Variants in CHKA observed in about 807,000 individuals in gnomAD.
The protein encoded by CHKA is CHETK-alpha.
A neutral mutation model predicts 60.1 loss-of-function variants in CHKA; 34 were observed. That is an observed-to-expected ratio of 0.57 (90% CI 0.43 to 0.75). The LOEUF (loss-of-function observed/expected upper bound fraction) is 0.75. Ranked by LOEUF, CHKA falls within the 30% of genes least tolerant of loss-of-function variation. CHKA has a pLI of 0.00. For synonymous variants in CHKA, 217 were observed against 223.1 expected (o/e 0.97, Z 0.24); for missense variants, 563 against 561.3 (o/e 1.00, Z -0.03).
chr11:68,105,420 C>G (rs1857875477), intron 1 of CHKA, among the ~76,000 whole-genome samples: 2 of 136,712 alleles, frequency 1.5e-5, no homozygotes, highest in South Asian at 4.7e-4. Flanking sequence ...GAGGCTGAGG[C>G]AAGAGAATCG....
chr11:68,095,462 G>C (rs1359175184), intron 2 of CHKA, among the ~76,000 whole-genome samples: 2 of 129,994 alleles, frequency 1.5e-5, no homozygotes, highest in African/African-American at 5.8e-5. Context: ...TATAATCCCA[G>C]CACTTTGGAG....
chr11:68,120,863 G>T lies in CHKA; in HGVS notation c.315C>A (p.Gly105=). The T allele has an allele frequency of 7.4e-7, 1 of 1,354,276 alleles. No homozygotes were observed. Among genetic ancestry groups the T allele is most frequent in the Non-Finnish European group, 9.6e-7 (1 of 1,038,708 alleles). The allele number at this position is 1,354,276 out of a possible 1,614,324, so 83.9% of individuals were successfully genotyped here. The change falls in exon 1 of 12, where the codon GGC becomes GGA. Residue 105 remains glycine (G), a synonymous_variant. Transcript: ENST00000265689. ...TGATGTGGAACTCGTCCTCGCGGAG[G>T]CCCCGCCAGGCGCCGGGCAGGAACT... ...CKEFLPGAWR[G]LREDEFHISV... is the part of the protein sequence containing the mutation.
intron 1 of CHKA, among the ~76,000 whole-genome samples, chr11:68,112,943 G>A (rs1007645611): frequency 4.6e-5 from 7 of 151,578 alleles, no homozygotes; most frequent in East Asian, 1.9e-4. Flanking sequence ...TTAGCCGGGC[G>A]TGGTGGCAGC....
At chr11:68,111,453 C>G (rs971577419) in intron 1 of CHKA, among the ~76,000 whole-genome samples, 15 of 151,754 alleles carry the variant, frequency 9.9e-5, no homozygotes, top group African/African-American at 3.4e-4. Flanking sequence ...GTGGTACACA[C>G]CTGTAATCCC....
chr11:68,059,694 A>C (rs1391302812), intron 11 of CHKA, among the ~76,000 whole-genome samples: 3 of 152,144 alleles, frequency 2.0e-5, no homozygotes, highest in African/African-American at 7.2e-5. Flanking sequence ...ATAATTGAGA[A>C]TTTTCTAGCT....
chr11:68,098,229 C>A (rs573776784), intron 1 of CHKA, among the ~76,000 whole-genome samples: 1 of 147,886 alleles, frequency 6.8e-6, no homozygotes, highest in East Asian at 2.0e-4. Flanking sequence ...CGTTATCGCG[C>A]CACTGTACTC....
intron 1 of CHKA, among the ~76,000 whole-genome samples, chr11:68,098,294 AAAAAG>A (rs1857581522): frequency 6.8e-6 from 1 of 147,760 alleles, no homozygotes. Context: ...AAAAAAAAAG[AAAAAG>A]AAAAGATAAA....
intron 4 of CHKA, among the ~76,000 whole-genome samples, chr11:68,073,516 C>A (rs1237675207): frequency 6.6e-6 from 1 of 152,068 alleles, no homozygotes; most frequent in Non-Finnish European, 1.5e-5. Flanking sequence ...TGCCAGGGAG[C>A]AAACTAAAGG....
intron 1 of CHKA, among the ~76,000 whole-genome samples, chr11:68,101,053 T>C (rs1394420251): frequency 1.4e-5 from 2 of 141,548 alleles, no homozygotes; most frequent in African/African-American, 2.6e-5. Flanking sequence ...GTTCACACCA[T>C]TCTCCTGCCT....
chr11:68,079,103 T>C (rs1433017736), intron 3 of CHKA, among the ~76,000 whole-genome samples: 1 of 151,092 alleles, frequency 6.6e-6, no homozygotes, highest in Non-Finnish European at 1.5e-5. Context: ...CCAGCTTATT[T>C]TTGTATTTTT....
intron 2 of CHKA, among the ~76,000 whole-genome samples, chr11:68,092,676 A>T (rs1386208634): frequency 2.0e-5 from 3 of 152,192 alleles, no homozygotes; most frequent in Non-Finnish European, 2.9e-5. Flanking sequence ...AATGACCAAC[A>T]GTCTCCAATG....
At chr11:68,061,545 G>A (rs916035010) in intron 11 of CHKA, 3 of 299,208 alleles carry the variant, frequency 1.0e-5, no homozygotes, top group African/African-American at 2.2e-5. Flanking sequence ...AGTGGTAACC[G>A]ATAAATAAAA....
intron 10 of CHKA, 104 bp downstream of exon 10, chr11:68,064,421 G>T (rs117180831): frequency 0.039 from 19,864 of 511,026 alleles, 505 homozygotes; most frequent in African/African-American, 0.068. Flanking sequence ...AAAAAAAAAA[G>T]AAGAAGAAGC....
At chr11:68,095,141 AT>A (rs1187657462) in intron 2 of CHKA, among the ~76,000 whole-genome samples, 4 of 152,234 alleles carry the variant, frequency 2.6e-5, no homozygotes, top group Admixed American at 6.5e-5. Flanking sequence ...GCGGTGGCTC[AT>A]GCCTGTAATC....
chr11:68,069,570 G>A (rs2134536118), intron 6 of CHKA, among the ~76,000 whole-genome samples: 1 of 152,142 alleles, frequency 6.6e-6, no homozygotes, highest in East Asian at 1.9e-4. Flanking sequence ...TGTAGTTCCA[G>A]CTACTCGGGA....
In CHKA at chr11:68,120,911, G is replaced by A. The variant is rs1172585844; in HGVS notation, c.267C>T (p.Arg89=). 1.6e-6 allele frequency: 2 copies of A among 1,237,238 alleles called. No individual in the cohort carries two copies. The highest frequency in any genetic ancestry group is 3.2e-5 in the Admixed American group (1 of 31,532). The allele number at this position is 1,237,238 out of a possible 1,614,324, so 76.6% of individuals were successfully genotyped here. A position where few individuals can be genotyped will look rare whatever the true frequency, so the allele number is the denominator to read the frequency against. The part of the protein sequence containing the change: ...ADEQPEPRTR[R]RAYLWCKEFL... ...ACTCCTTGCACCACAGATAGGCCCTGCGCCGCGTCCGGGGCTCCGGCTGCT... is the reference window on the plus strand; with the variant it reads ...ACTCCTTGCACCACAGATAGGCCCTACGCCGCGTCCGGGGCTCCGGCTGCT... The change falls in exon 1 of 12, where the codon CGC becomes CGT. Residue 89 remains arginine (R), a synonymous_variant. Transcript: ENST00000265689.
At chr11:68,116,489 G>A (rs1002198113) in intron 1 of CHKA, among the ~76,000 whole-genome samples, 12 of 151,966 alleles carry the variant, frequency 7.9e-5, no homozygotes, top group Non-Finnish European at 2.9e-5. Flanking sequence ...CAAAGCAGGC[G>A]GATCATGAGG....
rs576366488 is a variant in CHKA at position 68,072,719 on chromosome 11, C to T, written c.631-1862G>A. Among the ~76,000 whole-genome samples the T allele has an allele frequency of 3.9e-5, 6 of 152,132 alleles. No individual in the cohort carries two copies. The East Asian group carries it at 1.2e-3, about 29-fold the overall frequency. ...AAAAAATCTTCACTATGGCTGGGTGCAGTGGTTCACACCTGTAATCCTGGT... is the reference window on the plus strand; with the variant it reads ...AAAAAATCTTCACTATGGCTGGGTGTAGTGGTTCACACCTGTAATCCTGGT... On this transcript the variant is annotated intron_variant, in intron 4 of 11. Transcript: ENST00000265689.
chr11:68,080,386 C>T (rs903855390), intron 3 of CHKA, among the ~76,000 whole-genome samples: 7 of 151,794 alleles, frequency 4.6e-5, no homozygotes, highest in South Asian at 2.1e-4. Flanking sequence ...CGACTCCTGT[C>T]GCCCAGGCTG....
Sources: allele counts gnomAD v4.1 joint callset (sites outside exome capture counted in the v4.1 genomes callset), GRCh38; gene constraint gnomAD v4.1.1; transcripts MANE v1.5; gene names NCBI Gene and HGNC (gene_info 2026-07-23, HGNC 2026-07-21).